The following CHKA variants were observed in gnomAD, a reference collection of about 807,000 sequenced individuals.
CHKA encodes choline kinase alpha.
A neutral mutation model predicts 60.1 loss-of-function variants in CHKA; 34 were observed. The ratio of observed to expected loss-of-function variants is 0.57; its 90% CI spans 0.43 to 0.75. The LOEUF is 0.75. Among genes scored for constraint, CHKA ranks in the 30% least tolerant of loss-of-function variants. The pLI is 0.00. For synonymous variants in CHKA, 217 were observed against 223.1 expected (o/e 0.97, Z 0.24); for missense variants, 563 against 561.3 (o/e 1.00, Z -0.03).
intron 1 of CHKA, among the ~76,000 whole-genome samples, chr11:68,113,322 T>G (rs1379543186): frequency 6.6e-6 from 1 of 151,970 alleles, no homozygotes; most frequent in Non-Finnish European, 1.5e-5. Context: ...CAAACTGACA[T>G]CTCATCAAAG....
At chr11:68,100,034 C>T (rs183546529) in intron 1 of CHKA, among the ~76,000 whole-genome samples, 106 of 152,146 alleles carry the variant, frequency 7.0e-4, no homozygotes, top group Non-Finnish European at 1.3e-3. Flanking sequence ...GTGACTGGCA[C>T]CAATAACCCA....
At position 68,111,777 on chromosome 11, in the gene CHKA, G is replaced by A. The variant is rs554146042; in HGVS notation, c.350+9051C>T. ...CAACAAATGGTCCTGGAACATGCCCGGAGCGGTAGCTCACACCTGTAATCC... is the reference window on the plus strand; with the variant it reads ...CAACAAATGGTCCTGGAACATGCCCAGAGCGGTAGCTCACACCTGTAATCC... On this transcript the variant is annotated intron_variant, in intron 1 of 11. Transcript: ENST00000265689. Among the ~76,000 whole-genome samples, 44 of 151,926 alleles carry A rather than the reference G, an allele frequency of 2.9e-4. No homozygotes were observed. The South Asian group carries it at 8.3e-3, about 29-fold the overall frequency.
intron 11 of CHKA, among the ~76,000 whole-genome samples, chr11:68,056,198 CAG>C (rs1430159793): frequency 1.1e-4 from 17 of 152,300 alleles, no homozygotes; most frequent in African/African-American, 3.6e-4. Flanking sequence ...TGATATCGTT[CAG>C]AGTTACTCAT....
chr11:68,112,869 T>C (rs980638112), intron 1 of CHKA, among the ~76,000 whole-genome samples: 1 of 151,092 alleles, frequency 6.6e-6, no homozygotes, highest in Non-Finnish European at 1.5e-5. Flanking sequence ...GATCACGAGG[T>C]CAGGAGATCA....
At chr11:68,074,315 G>C (rs1170722158) in intron 4 of CHKA, among the ~76,000 whole-genome samples, 1 of 152,124 alleles carries the variant, frequency 6.6e-6, no homozygotes, top group Non-Finnish European at 1.5e-5. Flanking sequence ...ACAAACCAAG[G>C]AAGGGTGATG....
chr11:68,112,922 A>G (rs918911945), intron 1 of CHKA, among the ~76,000 whole-genome samples: 1 of 151,656 alleles, frequency 6.6e-6, no homozygotes, highest in African/African-American at 2.4e-5. Flanking sequence ...CTCTACTAAA[A>G]ATACAAAAAA....
At chr11:68,113,703 A>G (rs1858268606) in intron 1 of CHKA, among the ~76,000 whole-genome samples, 1 of 148,480 alleles carries the variant, frequency 6.7e-6, no homozygotes, top group Non-Finnish European at 1.5e-5. Flanking sequence ...TCAAAACAAA[A>G]ACAAAAAACA....
At chr11:68,057,060 G>A (rs1262957924) in intron 11 of CHKA, among the ~76,000 whole-genome samples, 4 of 152,172 alleles carry the variant, frequency 2.6e-5, no homozygotes, top group East Asian at 3.9e-4. Context: ...CTGTCCCCAC[G>A]TAGACAGTGT....
At chr11:68,106,484 T>C (rs1023222049) in intron 1 of CHKA, among the ~76,000 whole-genome samples, 1 of 150,936 alleles carries the variant, frequency 6.6e-6, no homozygotes, top group Non-Finnish European at 1.5e-5. Flanking sequence ...GCCTGGAAGG[T>C]TGGGGCTGCA....
intron 10 of CHKA, 85 bp from the exon 11 acceptor site, chr11:68,062,119 T>C: frequency 1.0e-6 from 1 of 967,162 alleles, no homozygotes; most frequent in East Asian, 2.7e-5. Context: ...CAGATGGACA[T>C]TTTAACTTGT....
At chr11:68,068,756 G>A in intron 7 of CHKA, 123 bp downstream of exon 7, 1 of 634,028 alleles carries the variant, frequency 1.6e-6, no homozygotes, top group South Asian at 1.8e-5. Flanking sequence ...TCATTGTCTG[G>A]TTGTATCATA....
intron 9 of CHKA, among the ~76,000 whole-genome samples, chr11:68,065,543 TACAA>T (rs1411581520): frequency 1.3e-5 from 2 of 151,764 alleles, no homozygotes; most frequent in Non-Finnish European, 2.9e-5. Flanking sequence ...CTACAAAAAA[TACAA>T]ACAATTAGCT....
chr11:68,082,405 G>A (rs1830300166), intron 2 of CHKA: 1 of 152,576 alleles, frequency 6.6e-6, no homozygotes, highest in East Asian at 1.9e-4. Context: ...GTCTGCTTAA[G>A]CCAGACACAA....
chr11:68,074,717 C>G lies in CHKA; in HGVS notation c.630G>C (p.Pro210=). Reference sequence around the variant, plus strand: ...CTAAGCGTTTATGAACAAATCTTACCGGGATGAACTGCTCCAGTCGGCCTT... The same window carrying G: ...CTAAGCGTTTATGAACAAATCTTACGGGGATGAACTGCTCCAGTCGGCCTT... The part of the protein sequence containing the change: ...FPQGRLEQFI[P]SRRLDTEELS... The change falls in exon 4 of 12, where the codon CCG becomes CCC. Residue 210 remains proline (P), a splice_region_variant and synonymous_variant. Coordinates refer to ENST00000265689, the MANE Select transcript of CHKA (RefSeq NM_001277.3). 6.2e-7 allele frequency: 1 copy of G among 1,613,966 alleles called. No individual in the cohort carries two copies. Among genetic ancestry groups the G allele is most frequent in the Non-Finnish European group, 8.5e-7 (1 of 1,179,838 alleles).
intron 2 of CHKA, among the ~76,000 whole-genome samples, chr11:68,085,350 A>G (rs1219722205): frequency 6.6e-6 from 1 of 151,876 alleles, no homozygotes; most frequent in Non-Finnish European, 1.5e-5. Flanking sequence ...TAGCCTCCCA[A>G]GTAGCAGGAC....
intron 8 of CHKA, 96 bp from the exon 9 acceptor site, chr11:68,065,990 G>A (rs1314044610): frequency 1.1e-5 from 9 of 805,552 alleles, no homozygotes; most frequent in African/African-American, 8.5e-5. Context: ...TTCCGAGCAC[G>A]CCACTCCTGT....
In CHKA at chr11:68,120,875, G is replaced by A. The variant is rs1281668490; in HGVS notation, c.303C>T (p.Gly101=). 2.2e-6 allele frequency: 3 copies of A among 1,355,986 alleles called. No homozygotes were observed. The highest frequency in any genetic ancestry group is 1.5e-5 in the South Asian group (1 of 67,280). The allele number at this position is 1,355,986 out of a possible 1,614,324, so 84.0% of individuals were successfully genotyped here. The change falls in exon 1 of 12, where the codon GGC becomes GGT. Residue 101 remains glycine, a synonymous_variant. Coordinates refer to ENST00000265689, the MANE Select transcript of CHKA (RefSeq NM_001277.3). Reference sequence around the variant, plus strand: ...CGTCCTCGCGGAGGCCCCGCCAGGCGCCGGGCAGGAACTCCTTGCACCACA... The same window carrying A: ...CGTCCTCGCGGAGGCCCCGCCAGGCACCGGGCAGGAACTCCTTGCACCACA... The part of the protein sequence containing the change: ...AYLWCKEFLP[G]AWRGLREDEF...
In CHKA at chr11:68,120,855, T is replaced by G. The variant is rs746068303; in HGVS notation, c.323A>C (p.Glu108Ala). The G allele has an allele frequency of 7.5e-7, 1 of 1,335,766 alleles. No homozygotes were observed. Among genetic ancestry groups the G allele is most frequent in the Non-Finnish European group, 9.7e-7 (1 of 1,027,018 alleles). 82.7% of individuals were successfully genotyped at this position (1,335,766 alleles called of 1,614,324 possible). The change falls in exon 1 of 12, where the codon GAG (glutamate) becomes GCG (alanine). Residue 108 changes from glutamate (E) to alanine (A), a missense_variant. By Grantham distance (107) the Glu-to-Ala change is moderately radical. Transcript: ENST00000265689. Reference sequence around the variant, plus strand: ...GATGACACTGATGTGGAACTCGTCCTCGCGGAGGCCCCGCCAGGCGCCGGG... The same window carrying G: ...GATGACACTGATGTGGAACTCGTCCGCGCGGAGGCCCCGCCAGGCGCCGGG... ...FLPGAWRGLR[E>A]DEFHISVIRG...
intron 1 of CHKA, among the ~76,000 whole-genome samples, chr11:68,111,839 A>C (rs889910899): frequency 4.6e-5 from 7 of 152,012 alleles, no homozygotes; most frequent in Admixed American, 4.6e-4. Flanking sequence ...GGATCACTTG[A>C]GGTCAGGAGT....
Sources: gnomAD v4.1 joint callset for allele counts (sites outside exome capture counted in the v4.1 genomes callset) on GRCh38, gnomAD v4.1.1 for gene constraint, MANE v1.5 for transcripts, NCBI Gene and HGNC (gene_info 2026-07-23, HGNC 2026-07-21) for gene names.